SPATA17: variants seen among roughly 807,000 people sequenced by gnomAD.
SPATA17 encodes the protein spermatogenesis-associated protein 17.
Under a neutral mutation model 62.2 loss-of-function variants are expected in SPATA17, and 53 were observed. The ratio of observed to expected loss-of-function variants is 0.85; its 90% CI spans 0.68 to 1.07. The LOEUF (loss-of-function observed/expected upper bound fraction) is 1.07, where lower values mean the gene tolerates loss of function less well. Among genes scored for constraint, SPATA17 ranks in the 50% least tolerant of loss-of-function variants. The pLI is 0.00. For missense variants in SPATA17, 466 were observed against 425.5 expected (o/e 1.10, Z -0.84); for synonymous variants, 146 against 146.8 (o/e 0.99, Z 0.04).
intron 9 of SPATA17, among the ~76,000 whole-genome samples, chr1:217,836,707 G>T (rs1675267863): frequency 6.6e-6 from 1 of 152,072 alleles, no homozygotes; most frequent in African/African-American, 2.4e-5. Context: ...CAAAATTTGG[G>T]TTAATTTCCA....
intron 8 of SPATA17, among the ~76,000 whole-genome samples, chr1:217,796,522 C>A: frequency 6.6e-6 from 1 of 152,130 alleles, no homozygotes; most frequent in East Asian, 1.9e-4. Flanking sequence ...TTGCCACTTG[C>A]ATTCTTTATA....
chr1:217,681,569 T>C (rs1414532884), intron 4 of SPATA17, among the ~76,000 whole-genome samples: 1 of 151,902 alleles, frequency 6.6e-6, no homozygotes, highest in Non-Finnish European at 1.5e-5. Flanking sequence ...GGGTTTTGTT[T>C]TGTATTTTTA....
intron 6 of SPATA17, among the ~76,000 whole-genome samples, chr1:217,749,967 C>CTA (rs1473405599): frequency 2.1e-5 from 1 of 47,246 alleles, no homozygotes; most frequent in Non-Finnish European, 4.9e-5. Context: ...CTCTCTCTCT[C>CTA]TCTCTCTCTC....
chr1:217,772,434 A>C (rs1270510580), intron 6 of SPATA17, among the ~76,000 whole-genome samples: 2 of 152,244 alleles, frequency 1.3e-5, no homozygotes, highest in African/African-American at 4.8e-5. Flanking sequence ...TGTATCCAAT[A>C]AAATTTAGTC....
chr1:217,698,524 TA>T (rs1003554448), intron 5 of SPATA17, among the ~76,000 whole-genome samples: 30 of 147,714 alleles, frequency 2.0e-4, no homozygotes, highest in East Asian at 1.2e-3. Flanking sequence ...TCTTTCCTTT[TA>T]AAAAAAAAAG....
intron 5 of SPATA17, among the ~76,000 whole-genome samples, chr1:217,726,813 A>G (rs1249814011): frequency 6.6e-6 from 1 of 152,002 alleles, no homozygotes; most frequent in African/African-American, 2.4e-5. Flanking sequence ...TATTACTACA[A>G]TAACCACTCA....
intron 9 of SPATA17, among the ~76,000 whole-genome samples, chr1:217,802,583 G>C (rs1674339719): frequency 6.6e-6 from 1 of 152,134 alleles, no homozygotes; most frequent in Admixed American, 6.5e-5. Flanking sequence ...TCTGGGCAGA[G>C]AGAGAGCAGG....
chr1:217,786,759 CTTCT>C (rs1558050792), intron 8 of SPATA17, among the ~76,000 whole-genome samples: 4 of 126,736 alleles, frequency 3.2e-5, no homozygotes, highest in African/African-American at 1.4e-4. Flanking sequence ...CTTTCTTCTT[CTTCT>C]TCTTCTTCTT....
At chr1:217,839,112 A>G (rs1311981481) in intron 9 of SPATA17, among the ~76,000 whole-genome samples, 2 of 152,044 alleles carry the variant, frequency 1.3e-5, no homozygotes, top group African/African-American at 2.4e-5. Context: ...CCACTACTCA[A>G]ATTGATTGAG....
At chr1:217,807,714 G>C (rs1490333836) in intron 9 of SPATA17, among the ~76,000 whole-genome samples, 1 of 151,660 alleles carries the variant, frequency 6.6e-6, no homozygotes, top group Non-Finnish European at 1.5e-5. Context: ...ATATATAAAG[G>C]AAGAAAGAAA....
At chr1:217,651,233 T>C in intron 3 of SPATA17, 55 bp downstream of exon 3, 1 of 1,351,998 alleles carries the variant, frequency 7.4e-7, no homozygotes, top group Non-Finnish European at 1.0e-6. Flanking sequence ...TGCTGTAACT[T>C]ACTCACTTTA....
At chr1:217,656,901 A>C (rs1670456888) in intron 3 of SPATA17, among the ~76,000 whole-genome samples, 1 of 152,144 alleles carries the variant, frequency 6.6e-6, no homozygotes, top group African/African-American at 2.4e-5. Flanking sequence ...ACTCAGTTTG[A>C]CCTGATTTCA....
intron 1 of SPATA17, among the ~76,000 whole-genome samples, chr1:217,632,157 T>A (rs1054208632): frequency 6.6e-5 from 10 of 152,018 alleles, no homozygotes; most frequent in African/African-American, 2.2e-4. Flanking sequence ...CACTCCAGCC[T>A]GGGTGACAAA....
chr1:217,724,337 C>G (rs574128202), intron 5 of SPATA17, among the ~76,000 whole-genome samples: 23 of 152,030 alleles, frequency 1.5e-4, no homozygotes, highest in Admixed American at 2.6e-4. Context: ...TGTGGTGGCT[C>G]GGCCTTTTGG....
chr1:217,795,295 C>T (rs1674104666), intron 8 of SPATA17, among the ~76,000 whole-genome samples: 1 of 150,530 alleles, frequency 6.6e-6, no homozygotes, highest in Admixed American at 6.6e-5. Flanking sequence ...ATATTGCATG[C>T]TGACTATATG....
intron 6 of SPATA17, among the ~76,000 whole-genome samples, chr1:217,751,338 G>T (rs568748340): frequency 1.3e-5 from 2 of 151,814 alleles, no homozygotes; most frequent in South Asian, 2.1e-4. Context: ...TTTTCCCTTT[G>T]GACACTTGGC....
chr1:217,659,872 C>T (rs1041349585), intron 3 of SPATA17, among the ~76,000 whole-genome samples: 4 of 152,180 alleles, frequency 2.6e-5, no homozygotes, highest in African/African-American at 7.2e-5. Context: ...TGATTCCAAA[C>T]TAAACTGCAT....
chr1:217,741,206 C>T (rs559123308), intron 5 of SPATA17, among the ~76,000 whole-genome samples: 176 of 152,098 alleles, frequency 1.2e-3, no homozygotes, highest in African/African-American at 3.5e-3. Context: ...TTAAATTTTT[C>T]CTTGAAAATA....
chr1:217,843,958 C>T (rs981066907), intron 9 of SPATA17, among the ~76,000 whole-genome samples: 2 of 151,724 alleles, frequency 1.3e-5, no homozygotes, highest in Non-Finnish European at 1.5e-5. Context: ...AGTGTGGATC[C>T]AGCTTCTAAG....
Sources: gnomAD v4.1 joint callset for allele counts (sites outside exome capture counted in the v4.1 genomes callset) on GRCh38, gnomAD v4.1.1 for gene constraint, MANE v1.5 for transcripts, NCBI Gene and HGNC (gene_info 2026-07-23, HGNC 2026-07-21) for gene names.